Variants in RASGRF2 observed in about 807,000 individuals in gnomAD.
RASGRF2 encodes Ras protein specific guanine nucleotide releasing factor 2.
In RASGRF2, 76 loss-of-function variants were observed where a neutral mutation model predicts 151.0. The observed-to-expected ratio is 0.50, with a 90% CI of 0.42 to 0.61. RASGRF2 has a LOEUF of 0.61. RASGRF2 is among the 20% of genes least tolerant of loss of function. The pLI is 0.00. For synonymous variants in RASGRF2, 504 were observed against 566.5 expected, an observed-to-expected ratio of 0.89 and a Z score of 1.57; for missense variants, 1,148 against 1,564.6, an observed-to-expected ratio of 0.73 and a Z score of 4.49.
At chr5:81,114,169 G>A (rs1447867617) in intron 15 of RASGRF2, among the ~76,000 whole-genome samples, 2 of 152,232 alleles carry the variant, frequency 1.3e-5, no homozygotes, top group Admixed American at 6.5e-5. Context: ...AGTTGTCTAT[G>A]GGAGAATAGC....
intron 12 of RASGRF2, among the ~76,000 whole-genome samples, chr5:81,108,098 G>A (rs988473823): frequency 2.2e-4 from 34 of 152,348 alleles, no homozygotes; most frequent in African/African-American, 7.2e-4. Context: ...GTGAGGTCAC[G>A]TTGCAATCAG....
intron 1 of RASGRF2, among the ~76,000 whole-genome samples, chr5:80,973,971 T>A (rs1748027166): frequency 6.6e-6 from 1 of 152,168 alleles, no homozygotes; most frequent in African/African-American, 2.4e-5. Flanking sequence ...TGAGAGGGGT[T>A]TGAAGGCCTG....
chr5:81,069,508 A>G (rs1031015551), intron 3 of RASGRF2, among the ~76,000 whole-genome samples: 2 of 152,242 alleles, frequency 1.3e-5, no homozygotes, highest in Admixed American at 6.5e-5. Flanking sequence ...GAGAAGCTCA[A>G]CACCAGGCGA....
At chr5:81,055,801 A>T (rs1474584524) in intron 2 of RASGRF2, among the ~76,000 whole-genome samples, 11 of 152,002 alleles carry the variant, frequency 7.2e-5, no homozygotes, top group East Asian at 1.9e-4. Context: ...ATTGCCTCAA[A>T]TTCAGAGCCT....
intron 3 of RASGRF2, 124 bp downstream of exon 3, chr5:81,068,303 T>TA: frequency 8.8e-7 from 1 of 1,140,648 alleles, no homozygotes; most frequent in South Asian, 1.8e-5. Flanking sequence ...CATCAACACA[T>TA]ACGTGGCTGG....
rs1756028236 is a variant in RASGRF2, at chr5:81,227,728, G to A, written c.*1958G>A. On this transcript the variant is annotated 3_prime_UTR_variant, in exon 27 of 27. Transcript: ENST00000265080. Reference sequence around the variant, plus strand: ...TAGTCCTGAAGGGTGAACTAAAACCGGGACAAATCTGTGAGAGGACCACAC... The same window carrying A: ...TAGTCCTGAAGGGTGAACTAAAACCAGGACAAATCTGTGAGAGGACCACAC... 1 of 152,140 alleles carries A rather than the reference G, an allele frequency of 6.6e-6. No homozygotes were observed. The highest frequency in any genetic ancestry group is 2.1e-4 in the South Asian group (1 of 4,828). The allele number at this position is 152,140 out of a possible 1,614,324, so 9.4% of individuals were successfully genotyped here. A position where few individuals can be genotyped will look rare whatever the true frequency, so the allele number is the denominator to read the frequency against.
intron 1 of RASGRF2, among the ~76,000 whole-genome samples, chr5:80,967,143 C>T (rs1747748459): frequency 6.6e-6 from 1 of 152,160 alleles, no homozygotes; most frequent in Non-Finnish European, 1.5e-5. Context: ...AATCCCAGCA[C>T]TTTGGGAGGT....
intron 17 of RASGRF2, among the ~76,000 whole-genome samples, chr5:81,127,767 TA>T (rs1186095002): frequency 2.7e-5 from 4 of 150,868 alleles, no homozygotes; most frequent in African/African-American, 9.7e-5. Flanking sequence ...CTACTAAGAA[TA>T]TAAAAATTAG....
chr5:81,140,781 A>C (rs934833340), intron 17 of RASGRF2, among the ~76,000 whole-genome samples: 1 of 152,084 alleles, frequency 6.6e-6, no homozygotes, highest in South Asian at 2.1e-4. Flanking sequence ...GTCTCTTCTC[A>C]GCAAAGGTAC....
chr5:80,960,878 A>G lies in RASGRF2; in HGVS notation c.140A>G (p.Tyr47Cys). The G allele has an allele frequency of 6.2e-7, 1 of 1,613,216 alleles. No individual in the cohort carries two copies. Among genetic ancestry groups the G allele is most frequent in the Non-Finnish European group, 8.5e-7 (1 of 1,179,454 alleles). Residue 47 changes from tyrosine to cysteine, a missense_variant, in exon 1 of 27, where the codon TAC becomes TGC. Tyr to Cys is a radical substitution (Grantham distance 194). This residue lies in a region of RASGRF2 where 221 missense variants were observed against 271.3 expected (regional missense o/e 0.81). Coordinates refer to ENST00000265080, the MANE Select transcript of RASGRF2 (RefSeq NM_006909.3). The surrounding 1 kb of genome is among the most constrained non-coding windows in gnomAD (Gnocchi z 5.5). ...TGGCACGAGAAGTGGTTCGCCCTCT[A>G]CCAGAATGTGCTCTTCTACTTCGAG... ...SRWHEKWFAL[Y>C]QNVLFYFEGE...
At chr5:81,126,533 CTA>C (rs1753458538) in intron 16 of RASGRF2, among the ~76,000 whole-genome samples, 1 of 152,098 alleles carries the variant, frequency 6.6e-6, no homozygotes. Context: ...ATCAGCCATT[CTA>C]TACTCATTAG....
In RASGRF2 at chr5:80,996,471, T is replaced by TTTCTTC. The variant is rs530555928; in HGVS notation, c.288+35473_288+35478dup. 2.0e-3 allele frequency among the ~76,000 whole-genome samples: 75 copies of TTTCTTC among 38,342 alleles called. 9 individuals carry two copies. The highest frequency in any genetic ancestry group is 5.1e-3 in the African/African-American group (39 of 7,584). The allele number at this position is 38,342 out of a possible 152,430, so 25.2% of individuals were successfully genotyped here. On this transcript the variant is annotated intron_variant, in intron 1 of 26. Transcript: ENST00000265080. ...CAGGATACTTGGAAAATGTGTAAAGTTTCTTCTTCTTCTTCTTCTTCTTCT... is the reference window on the plus strand; with the variant it reads ...CAGGATACTTGGAAAATGTGTAAAGTTTCTTCTTCTTCTTCTTCTTCTTCTTCTTCT...
chr5:81,135,161 G>T (rs1753724015), intron 17 of RASGRF2, among the ~76,000 whole-genome samples: 1 of 150,424 alleles, frequency 6.6e-6, no homozygotes, highest in African/African-American at 2.5e-5. Context: ...AAAAAAAATA[G>T]CTGCATATGG....
chr5:81,151,310 A>G lies in RASGRF2; in HGVS notation c.2686+24147A>G, dbSNP rs557033591. Among the ~76,000 whole-genome samples, 5 of 152,008 alleles carry G rather than the reference A, an allele frequency of 3.3e-5. No individual in the cohort carries two copies. In the South Asian group the frequency reaches 1.0e-3, roughly 32 times the overall value. ...GCAGATCTCTGGCTGTACTGCAAGT[A>G]CAGTACATGTCTGGGCTCCATTCAG... On this transcript the variant is annotated intron_variant, in intron 17 of 26. Coordinates refer to ENST00000265080, the MANE Select transcript of RASGRF2 (RefSeq NM_006909.3).
chr5:81,207,619 T>C (rs1345700529), intron 21 of RASGRF2, among the ~76,000 whole-genome samples: 2 of 152,210 alleles, frequency 1.3e-5, no homozygotes, highest in Non-Finnish European at 1.5e-5. Context: ...TTAATGACTA[T>C]ACAAAATAAT....
intron 18 of RASGRF2, among the ~76,000 whole-genome samples, chr5:81,199,897 CAAAA>C (rs33924703): frequency 1.0e-5 from 1 of 95,470 alleles, no homozygotes; most frequent in Non-Finnish European, 2.1e-5. Context: ...GACTCCATCT[CAAAA>C]AAAAAAAAAA....
chr5:81,119,910 T>G (rs986526157), intron 15 of RASGRF2, among the ~76,000 whole-genome samples: 2 of 152,188 alleles, frequency 1.3e-5, no homozygotes, highest in African/African-American at 4.8e-5. Context: ...ATTTTAGAGT[T>G]CCAGTACTCT....
At chr5:81,191,764 T>A (rs1036158508) in intron 18 of RASGRF2, among the ~76,000 whole-genome samples, 2 of 152,170 alleles carry the variant, frequency 1.3e-5, no homozygotes, top group Non-Finnish European at 2.9e-5. Flanking sequence ...GCGATCTGAT[T>A]CCGGGGTTGT....
chr5:81,013,048 C>A (rs181140237), intron 1 of RASGRF2, among the ~76,000 whole-genome samples: 1 of 152,128 alleles, frequency 6.6e-6, no homozygotes, highest in Non-Finnish European at 1.5e-5. Flanking sequence ...GCCCCAAATA[C>A]GGTAATGGCT....
Sources: allele counts gnomAD v4.1 joint callset (sites outside exome capture counted in the v4.1 genomes callset), GRCh38; gene constraint gnomAD v4.1.1; regional missense constraint gnomAD v4.1.1; non-coding constraint Gnocchi (gnomAD v3.1); transcripts MANE v1.5; gene names NCBI Gene and HGNC (gene_info 2026-07-23, HGNC 2026-07-21).